The following COL5A1 variants were observed in gnomAD, a reference collection of about 807,000 sequenced individuals.
The protein encoded by COL5A1 is collagen type V alpha 1 chain.
A neutral mutation model predicts 263.7 loss-of-function variants in COL5A1; 16 were observed. That is an observed-to-expected ratio of 0.06 (90% CI 0.04 to 0.09). COL5A1 has a LOEUF of 0.09. Ranked by LOEUF, COL5A1 falls within the 10% of genes least tolerant of loss-of-function variation. COL5A1 has a pLI of 1.00. For synonymous variants in COL5A1, 1,012 were observed against 1,004.5 expected (o/e 1.01, Z -0.14); for missense variants, 2,036 against 2,540.5 (o/e 0.80, Z 4.27).
Position 134,825,903 on chromosome 9 carries a change from G to T in COL5A1, c.5066G>T (p.Gly1689Val), listed in dbSNP as rs769417779. 3.1e-6 allele frequency: 5 copies of T among 1,607,918 alleles called. No homozygotes were observed. Among genetic ancestry groups the T allele is most frequent in the African/African-American group, 1.3e-5 (1 of 74,926 alleles). Residue 1689 changes from glycine to valine, a missense_variant and splice_region_variant, in exon 63 of 66, where the codon GGG (glycine) becomes GTG (valine). Physicochemically the swap from Gly to Val is moderately radical, Grantham distance 109. This residue lies in a region of COL5A1 where 358 missense variants were observed against 384.6 expected (regional missense o/e 0.93). Transcript: ENST00000371817. ...TCVFPDKKSEGARITSWPKEN... is the reference protein window; with the variant it reads ...TCVFPDKKSEVARITSWPKEN... ...GTCTTCCCTGACAAGAAGTCCGAAG[G>T]GGTGAGTAGCTGTGTCCCTCCATGG...
intron 11 of COL5A1, among the ~76,000 whole-genome samples, chr9:134,746,739 G>A (rs1835526980): frequency 6.6e-6 from 1 of 152,242 alleles, no homozygotes; most frequent in South Asian, 2.1e-4. Context: ...ACTGATTTGG[G>A]GGCCAGCTAA....
intron 7 of COL5A1, 85 bp from the exon 8 acceptor site, chr9:134,731,411 G>A: frequency 7.2e-7 from 1 of 1,395,496 alleles, no homozygotes. Flanking sequence ...TGACCGGATA[G>A]CCACAGTGCC....
intron 30 of COL5A1, among the ~76,000 whole-genome samples, chr9:134,785,348 G>C (rs990774960): frequency 6.6e-6 from 1 of 152,158 alleles, no homozygotes; most frequent in African/African-American, 2.4e-5. Context: ...CCTTCCTCCC[G>C]GTGGCTACAA....
At chr9:134,759,838 T>A (rs886481644) in intron 18 of COL5A1, among the ~76,000 whole-genome samples, 139 of 7,510 alleles carry the variant, frequency 0.019, 3 homozygotes, top group East Asian at 0.066. Context: ...ACCCCCCCAC[T>A]CACGCACACC....
chr9:134,644,591 G>GT (rs562703110), intron 1 of COL5A1, among the ~76,000 whole-genome samples: 4,599 of 146,484 alleles, frequency 0.031, 367 homozygotes, highest in South Asian at 0.078. Context: ...GGCAGGCGCG[G>GT]GGGGGAGCCA....
At chr9:134,732,423 T>C (rs1834923847) in intron 9 of COL5A1, 1 of 562,142 alleles carries the variant, frequency 1.8e-6, no homozygotes, top group African/African-American at 1.9e-5. Context: ...TCACCTGGGA[T>C]GAAAAGCAGC....
rs535971100 is a variant in COL5A1 at position 134,821,043 on chromosome 9, G to A, written c.4554+820G>A. ...CCGGGGAAGGTTGCAGGACATGGCTGAAGGGTGGAGCTCATTGCAAACCCT... is the reference window on the plus strand; with the variant it reads ...CCGGGGAAGGTTGCAGGACATGGCTAAAGGGTGGAGCTCATTGCAAACCCT... On this transcript the variant is annotated intron_variant, in intron 58 of 65. Coordinates refer to ENST00000371817, the MANE Select transcript of COL5A1 (RefSeq NM_000093.5). This position sits in a 1 kb window ranked among gnomAD's most constrained non-coding sequence, Gnocchi z 4.2. Among the ~76,000 whole-genome samples, 1 of 152,248 alleles carries A rather than the reference G, an allele frequency of 6.6e-6. No homozygotes were observed. Among genetic ancestry groups the A allele is most frequent in the African/African-American group, 2.4e-5 (1 of 41,568 alleles).
At chr9:134,806,088 A>T in intron 41 of COL5A1, 101 bp from the exon 42 acceptor site, 2 of 870,106 alleles carry the variant, frequency 2.3e-6, no homozygotes, top group African/African-American at 1.7e-5. Flanking sequence ...TGTGGGCTCT[A>T]GAGTGAGCAG....
At chr9:134,732,618 C>G (rs1834937257) in intron 9 of COL5A1, 1 of 230,742 alleles carries the variant, frequency 4.3e-6, no homozygotes, top group Non-Finnish European at 8.6e-6. Flanking sequence ...ACATGGAATA[C>G]TGTTTATGAA....
intron 16 of COL5A1, 54 bp from the exon 17 acceptor site, chr9:134,756,711 G>T: frequency 6.4e-7 from 1 of 1,568,498 alleles, no homozygotes; most frequent in South Asian, 1.1e-5. Context: ...TGGCCCGGGG[G>T]TCTCAGTGAA....
rs951884967 is a variant in COL5A1 at position 134,818,827 on chromosome 9, C to G, written c.4339-21C>G. The stretch of plus-strand genomic sequence containing the variant: ...AGGGACGGGGGACCAGCAACTCATG[C>G]AGAGCGTCTCTGTGTTTCAGGGAGA... On this transcript the variant is annotated intron_variant, in intron 55 of 65. Transcript: ENST00000371817. This position sits in a 1 kb window ranked among gnomAD's most constrained non-coding sequence, Gnocchi z 6.0. 6.2e-7 allele frequency: 1 copy of G among 1,613,130 alleles called. No individual in the cohort carries two copies.
At chr9:134,710,757 C>G (rs1834008616) in intron 4 of COL5A1, among the ~76,000 whole-genome samples, 1 of 124,220 alleles carries the variant, frequency 8.1e-6, no homozygotes. Flanking sequence ...GGGGAGGGGC[C>G]CCATCTGTGG....
At chr9:134,753,771 T>TCCCCTTCCCCCCCCC in intron 14 of COL5A1, 79 bp from the exon 15 acceptor site, 1 of 369,204 alleles carries the variant, frequency 2.7e-6, no homozygotes, top group Non-Finnish European at 5.2e-6. Context: ...CCCCTGCCCC[T>TCCCCTTCCCCCCCCC]CCCCTGCCAC....
At chr9:134,836,692 C>T (rs1839865672) in intron 65 of COL5A1, among the ~76,000 whole-genome samples, 1 of 152,248 alleles carries the variant, frequency 6.6e-6, no homozygotes, top group South Asian at 2.1e-4. Flanking sequence ...TCCCCCTGCC[C>T]AGCATCGCTG....
chr9:134,721,305 G>T (rs1376078552), intron 4 of COL5A1, among the ~76,000 whole-genome samples: 1 of 145,278 alleles, frequency 6.9e-6, no homozygotes. Flanking sequence ...CTCCCCCATA[G>T]TACCCCATCT....
In COL5A1 at chr9:134,738,514, C is replaced by T. The variant is rs763650548; in HGVS notation, c.1430C>T (p.Ala477Val). Residue 477 changes from alanine (A) to valine (V), a missense_variant and splice_region_variant, in exon 10 of 66, where the codon GCG becomes GTG. Ala to Val is a moderately conservative substitution (Grantham distance 64). Transcript: ENST00000371817. ...GGCCCGCCTGGCCCAGAAGGCCCCG[C>T]GGTGAGTATCCGGCTTTATCCTGTG... is the stretch of plus-strand genomic sequence containing the variant. ...IEGPPGPEGP[A>V]GLPGPPGTMG... 2.2e-5 allele frequency: 36 copies of T among 1,613,906 alleles called. No individual in the cohort carries two copies. The highest frequency in any genetic ancestry group is 3.3e-5 in the South Asian group (3 of 91,082).
intron 9 of COL5A1, among the ~76,000 whole-genome samples, chr9:134,734,040 A>G (rs1195167259): frequency 2.6e-5 from 4 of 151,566 alleles, no homozygotes; most frequent in Non-Finnish European, 5.9e-5. Flanking sequence ...CCTTTGAATG[A>G]GCTTCGTGTT....
intron 5 of COL5A1, among the ~76,000 whole-genome samples, 179 bp downstream of exon 5, chr9:134,727,576 G>A (rs1463972316): frequency 6.6e-6 from 1 of 152,190 alleles, no homozygotes; most frequent in Non-Finnish European, 1.5e-5. Flanking sequence ...GCACTGCCCA[G>A]AATGATAGGG....
intron 1 of COL5A1, among the ~76,000 whole-genome samples, chr9:134,644,603 C>T (rs896010891): frequency 6.6e-6 from 1 of 152,068 alleles, no homozygotes. Flanking sequence ...GGGGAGCCAC[C>T]AGCAAGTGCC....
Sources: gnomAD v4.1 joint callset for allele counts (sites outside exome capture counted in the v4.1 genomes callset) on GRCh38, gnomAD v4.1.1 for gene constraint, gnomAD v4.1.1 regional missense constraint, Gnocchi (gnomAD v3.1) non-coding constraint, MANE v1.5 for transcripts, NCBI Gene and HGNC (gene_info 2026-07-23, HGNC 2026-07-21) for gene names.